Variants in TRIO observed in about 807,000 individuals in gnomAD.
TRIO encodes triple functional domain protein.
TRIO carries 58 observed loss-of-function variants against 351.9 expected under a neutral mutation model. The ratio of observed to expected loss-of-function variants is 0.16; its 90% CI spans 0.13 to 0.21. The LOEUF (loss-of-function observed/expected upper bound fraction) is 0.21, where lower values mean the gene tolerates loss of function less well. TRIO is among the 10% of genes least tolerant of loss of function. TRIO has a pLI of 1.00. For synonymous variants in TRIO, 1,758 were observed against 1,595.7 expected, an observed-to-expected ratio of 1.10 and a Z score of -2.42; for missense variants, 3,201 against 4,027.8, an observed-to-expected ratio of 0.79 and a Z score of 5.56.
In TRIO at chr5:14,504,469, A is replaced by C; in HGVS notation, c.8488A>C (p.Lys2830Gln). 6.2e-7 allele frequency: 1 copy of C among 1,614,106 alleles called. No individual in the cohort carries two copies. The highest frequency in any genetic ancestry group is 8.5e-7 in the Non-Finnish European group (1 of 1,180,004). Residue 2830 changes from lysine (K) to glutamine (Q), a missense_variant, in exon 55 of 57, where the codon AAG becomes CAG. Physicochemically the swap from Lys to Gln is moderately conservative, Grantham distance 53. Around this residue, in one of 19 missense-constraint regions of TRIO, gnomAD observed 1,089 missense variants for 954.9 expected, o/e 1.14. Transcript: ENST00000344204. ...RAVATKFVNK[K>Q]LMKRDQVTHE... ...AGTGGCCACTAAGTTTGTGAACAAG[A>C]AGTTGATGAAGCGCGACCAGGTCAC...
At position 14,477,834 on chromosome 5, in the gene TRIO, C is replaced by T. The variant is rs146276055; in HGVS notation, c.6153+871C>T. Among the ~76,000 whole-genome samples, 30 of 152,266 alleles carry T rather than the reference C, an allele frequency of 2.0e-4. No individual in the cohort carries two copies. In the East Asian group the frequency reaches 5.8e-3, roughly 29 times the overall value. ...TTGACACGTTTCATTACACAGTATCCAAAAATCCAGTTTTTGAACTTGACC... is the reference window on the plus strand; with the variant it reads ...TTGACACGTTTCATTACACAGTATCTAAAAATCCAGTTTTTGAACTTGACC... On this transcript the variant is annotated intron_variant, in intron 41 of 56. Coordinates refer to ENST00000344204, the MANE Select transcript of TRIO (RefSeq NM_007118.4).
rs2152336030 is a variant in TRIO, at chr5:14,358,329, A to T, written c.2198A>T (p.Asp733Val). The change falls in exon 12 of 57, where the codon GAC (aspartate) becomes GTC (valine). Residue 733 changes from aspartate to valine, a missense_variant. Transcript: ENST00000344204. ...GTCAACGTGATCAAGGAAGGGGAGG[A>T]CCTCATCCAGCAGCTCAGGTGGGCC... ...VTVNVIKEGE[D>V]LIQQLRDSAI... 6.2e-7 allele frequency: 1 copy of T among 1,613,922 alleles called. No individual in the cohort carries two copies. The highest frequency in any genetic ancestry group is 2.2e-5 in the East Asian group (1 of 44,866).
intron 6 of TRIO, among the ~76,000 whole-genome samples, chr5:14,296,024 G>T (rs141263104): frequency 2.0e-4 from 31 of 152,334 alleles, no homozygotes; most frequent in African/African-American, 7.5e-4. Context: ...TCTTTCAGCT[G>T]CTTACTTGGG....
chr5:14,179,455 T>C (rs1789614819), intron 1 of TRIO, among the ~76,000 whole-genome samples: 1 of 152,114 alleles, frequency 6.6e-6, no homozygotes, highest in East Asian at 1.9e-4. Flanking sequence ...AAAGCTTTTT[T>C]TTTTTTTTCT....
intron 1 of TRIO, among the ~76,000 whole-genome samples, chr5:14,190,514 G>T (rs996637287): frequency 3.3e-5 from 5 of 152,058 alleles, no homozygotes. Context: ...TGAGGAGAGT[G>T]CAGAAATCTG....
At chr5:14,218,281 G>A (rs1561214593) in intron 1 of TRIO, among the ~76,000 whole-genome samples, 2 of 152,190 alleles carry the variant, frequency 1.3e-5, no homozygotes, top group Admixed American at 6.5e-5. Flanking sequence ...TTAGGGTGGT[G>A]CCTGGACAGA....
chr5:14,319,989 T>C (rs1238921262), intron 9 of TRIO, among the ~76,000 whole-genome samples: 1 of 152,200 alleles, frequency 6.6e-6, no homozygotes, highest in Admixed American at 6.5e-5. Flanking sequence ...CTTACCGTGC[T>C]TCCAATTTAG....
chr5:14,488,441 C>G (rs1579808249), intron 48 of TRIO, 181 bp downstream of exon 48: 1 of 852,340 alleles, frequency 1.2e-6, no homozygotes, highest in Admixed American at 3.0e-5. Flanking sequence ...CTAACTACTC[C>G]TTGCTTTGTT....
chr5:14,181,311 A>T (rs32342), intron 1 of TRIO, among the ~76,000 whole-genome samples: 108,139 of 152,104 alleles, frequency 0.71, 39,384 homozygotes, highest in East Asian at 0.96. Flanking sequence ...TTTTGTTAGT[A>T]CTTCTCTGAA....
At position 14,355,441 on chromosome 5, in the gene TRIO, C is replaced by T. The variant is rs1015158347; in HGVS notation, c.2047-2737C>T. On this transcript the variant is annotated intron_variant, in intron 11 of 56. Coordinates refer to ENST00000344204, the MANE Select transcript of TRIO (RefSeq NM_007118.4). Reference sequence around the variant, plus strand: ...CTTTCATCTGCTCCTCGTAGTGACGCCTTTAGGTGGCATTGATATTCCTAG... The same window carrying T: ...CTTTCATCTGCTCCTCGTAGTGACGTCTTTAGGTGGCATTGATATTCCTAG... 3.9e-5 allele frequency among the ~76,000 whole-genome samples: 6 copies of T among 152,182 alleles called. No individual in the cohort carries two copies. The East Asian group carries it at 1.2e-3, about 29-fold the overall frequency.
At chr5:14,203,703 C>A (rs1330815796) in intron 1 of TRIO, among the ~76,000 whole-genome samples, 1 of 152,210 alleles carries the variant, frequency 6.6e-6, no homozygotes, top group African/African-American at 2.4e-5. Flanking sequence ...GCATCTGTGA[C>A]TGACCCTTTC....
In TRIO at chr5:14,406,261, C is replaced by T. The variant is rs1487108225; in HGVS notation, c.4859+271C>T. ...AGCACCATACAGGGCACATGTCTAA[C>T]TCATGCACATGACCTTGGATAAGTT... On this transcript the variant is annotated intron_variant, in intron 32 of 56. Coordinates refer to ENST00000344204, the MANE Select transcript of TRIO (RefSeq NM_007118.4). 1.4e-5 allele frequency: 8 copies of T among 570,328 alleles called. No individual in the cohort carries two copies. In the Admixed American group the frequency reaches 1.8e-4, roughly 13 times the overall value. The allele number at this position is 570,328 out of a possible 1,614,324, so 35.3% of individuals were successfully genotyped here.
Position 14,387,506 on chromosome 5 carries a change from T to C in TRIO, c.3639T>C (p.His1213=), listed in dbSNP as rs140850570. 1.5e-3 allele frequency: 2,362 copies of C among 1,614,208 alleles called. 3 individuals carry two copies. The highest frequency in any genetic ancestry group is 1.9e-3 in the Non-Finnish European group (2,222 of 1,180,034). The change falls in exon 22 of 57, where the codon CAT becomes CAC. Residue 1213 remains histidine (H), a synonymous_variant. Transcript: ENST00000344204. ...ADGFCEKGHA[H]AAEIKKCVTA... ...GCTTTTGTGAAAAAGGGCATGCCCATGCGGCAGAGATAAAAAAATGTGTTA... is the reference window on the plus strand; with the variant it reads ...GCTTTTGTGAAAAAGGGCATGCCCACGCGGCAGAGATAAAAAAATGTGTTA...
At chr5:14,244,143 T>C (rs1278712934) in intron 1 of TRIO, among the ~76,000 whole-genome samples, 7 of 152,278 alleles carry the variant, frequency 4.6e-5, no homozygotes. Context: ...ACATAGGGAT[T>C]GATCTTTTAG....
intron 1 of TRIO, among the ~76,000 whole-genome samples, chr5:14,188,714 A>G (rs1487501611): frequency 6.6e-6 from 1 of 152,200 alleles, no homozygotes; most frequent in Non-Finnish European, 1.5e-5. Flanking sequence ...TTGGTTCTGT[A>G]CAGTTTTCCT....
chr5:14,327,570 G>A (rs1740498226), intron 9 of TRIO, among the ~76,000 whole-genome samples: 1 of 152,112 alleles, frequency 6.6e-6, no homozygotes, highest in African/African-American at 2.4e-5. Flanking sequence ...CTTATTTCAA[G>A]TCTCTATGGA....
chr5:14,314,694 A>G (rs1739228534), intron 8 of TRIO, among the ~76,000 whole-genome samples: 1 of 152,196 alleles, frequency 6.6e-6, no homozygotes, highest in African/African-American at 2.4e-5. Flanking sequence ...TATCCTGCTC[A>G]TTTCAGAGTA....
intron 13 of TRIO, among the ~76,000 whole-genome samples, chr5:14,361,333 G>A (rs1179758507): frequency 1.3e-5 from 2 of 152,154 alleles, no homozygotes; most frequent in Non-Finnish European, 2.9e-5. Flanking sequence ...ACAAAGCCAC[G>A]AAATTACAAG....
intron 1 of TRIO, among the ~76,000 whole-genome samples, chr5:14,152,594 A>G (rs1787905069): frequency 6.6e-6 from 1 of 150,954 alleles, no homozygotes; most frequent in African/African-American, 2.4e-5. Context: ...CTGGTCTTGA[A>G]CTCCTGACCT....
Sources: allele counts gnomAD v4.1 joint callset (sites outside exome capture counted in the v4.1 genomes callset), GRCh38; gene constraint gnomAD v4.1.1; regional missense constraint gnomAD v4.1.1; transcripts MANE v1.5; gene names NCBI Gene and HGNC (gene_info 2026-07-23, HGNC 2026-07-21).